IGSF9: variants seen among roughly 807,000 people sequenced by gnomAD.
The protein encoded by IGSF9 is immunoglobulin superfamily member 9.
A neutral mutation model predicts 121.7 loss-of-function variants in IGSF9; 87 were observed. The observed-to-expected ratio is 0.71, with a 90% CI of 0.60 to 0.85. The LOEUF (loss-of-function observed/expected upper bound fraction) is 0.85. Among genes scored for constraint, IGSF9 ranks in the 40% least tolerant of loss-of-function variants. The pLI, the probability that IGSF9 is intolerant of heterozygous loss-of-function variation, is 0.00. For synonymous variants in IGSF9, 640 were observed against 648.4 expected, an observed-to-expected ratio of 0.99 and a Z score of 0.20; for missense variants, 1,462 against 1,565.3, an observed-to-expected ratio of 0.93 and a Z score of 1.11.
chr1:159,943,265 C>T, intron 2 of IGSF9, 114 bp from the exon 3 acceptor site: 1 of 1,303,702 alleles, frequency 7.7e-7, no homozygotes, highest in East Asian at 2.6e-5. Flanking sequence ...GGAGAAACCC[C>T]CAGTTCAGCT....
At chr1:159,944,661 G>A (rs1210085552) in intron 1 of IGSF9, among the ~76,000 whole-genome samples, 2 of 152,154 alleles carry the variant, frequency 1.3e-5, no homozygotes, top group Non-Finnish European at 2.9e-5. Flanking sequence ...AGATCCTAGG[G>A]CAGTCTCAGA....
At position 159,932,439 on chromosome 1, in the gene IGSF9, A is replaced by ACC; in HGVS notation, c.1245+72_1245+73insGG. The ACC allele has an allele frequency of 5.0e-6, 6 of 1,201,056 alleles. No individual in the cohort carries two copies. The highest frequency in any genetic ancestry group is 7.0e-6 in the Non-Finnish European group (6 of 859,952). The allele number at this position is 1,201,056 out of a possible 1,614,324, so 74.4% of individuals were successfully genotyped here. ...GTGTCTGCCCCACCCCACCCCCATC[A>ACC]GCCTGGCCTTAGCACCATCTCCAGC... On this transcript the variant is annotated intron_variant, in intron 10 of 20. Coordinates refer to ENST00000368094, the MANE Select transcript of IGSF9 (RefSeq NM_001135050.2). This position sits in a 1 kb window ranked among gnomAD's most constrained non-coding sequence, Gnocchi z 4.1.
At chr1:159,942,871 A>C in intron 3 of IGSF9, 92 bp downstream of exon 3, 2 of 1,029,134 alleles carry the variant, frequency 1.9e-6, no homozygotes, top group South Asian at 2.8e-5. Context: ...CAGAGCAGGG[A>C]CAAAGCCGTT....
At position 159,930,394 on chromosome 1, in the gene IGSF9, A is replaced by G; in HGVS notation, c.1859T>C (p.Ile620Thr). The change falls in exon 15 of 21, where the codon ATA (isoleucine) becomes ACA (threonine). Residue 620 changes from isoleucine to threonine, a missense_variant. Coordinates refer to ENST00000368094, the MANE Select transcript of IGSF9 (RefSeq NM_001135050.2). ...CCGCGGAGGGGACAGGGGAGGCGGTATCTCTGTTGGGGGAAGCCCGGGTGC... is the reference window on the plus strand; with the variant it reads ...CCGCGGAGGGGACAGGGGAGGCGGTGTCTCTGTTGGGGGAAGCCCGGGTGC... ...PAAPGLPPTE[I>T]PPPLSPPRGL... 6.4e-7 allele frequency: 1 copy of G among 1,570,622 alleles called. No individual in the cohort carries two copies.
chr1:159,938,559 G>C (rs558665863), intron 3 of IGSF9, among the ~76,000 whole-genome samples: 4 of 152,284 alleles, frequency 2.6e-5, no homozygotes, highest in African/African-American at 9.6e-5. Context: ...GGCTCAGACC[G>C]AGGGTGCCTA....
In IGSF9 at chr1:159,930,345, G is replaced by C; in HGVS notation, c.1908C>G (p.Pro636=). 1 of 1,608,376 alleles carries C rather than the reference G, an allele frequency of 6.2e-7. No homozygotes were observed. The part of the protein sequence containing the change: ...PPRGLVAVRT[P]RGVLLHWDPP... ...GATCCCAATGCAGGAGTACCCCCCG[G>C]GGTGTCCTCACTGCCACCAGACCCC... Residue 636 remains proline, a synonymous_variant, in exon 15 of 21, where the codon CCC becomes CCG. Coordinates refer to ENST00000368094, the MANE Select transcript of IGSF9 (RefSeq NM_001135050.2).
chr1:159,934,871 C>T (rs200851874), intron 6 of IGSF9, 49 bp from the exon 7 acceptor site: 17 of 1,609,394 alleles, frequency 1.1e-5, no homozygotes, highest in African/African-American at 1.3e-5. Flanking sequence ...ACAGTCTTCC[C>T]AGAACCCTGA....
chr1:159,927,391 G>A lies in IGSF9; in HGVS notation c.3494C>T (p.Ala1165Val), dbSNP rs369321557. 3.1e-6 allele frequency: 5 copies of A among 1,613,660 alleles called. No homozygotes were observed. In the South Asian group the frequency reaches 5.5e-5, roughly 18 times the overall value. ...GGGGTGGGGGACTGGCTGTCGATAG[G>A]CTGGTAGCCGAGCCCTAGTAGCATC... is the stretch of plus-strand genomic sequence containing the variant. ...RRDATRARLP[A>V]YRQPVPHPEQ... Residue 1165 changes from alanine to valine, a missense_variant, in exon 21 of 21, where the codon GCC (alanine) becomes GTC (valine). Physicochemically the swap from Ala to Val is moderately conservative, Grantham distance 64 (BLOSUM62 0). Coordinates refer to ENST00000368094, the MANE Select transcript of IGSF9 (RefSeq NM_001135050.2).
In IGSF9 at chr1:159,928,356, C is replaced by G. The variant is rs1431943700; in HGVS notation, c.3032G>C (p.Gly1011Ala). 1.9e-6 allele frequency: 3 copies of G among 1,609,356 alleles called. No individual in the cohort carries two copies. The highest frequency in any genetic ancestry group is 1.7e-4 in the Middle Eastern group (1 of 6,030). ...GCCTCGAGGGGCAGCAGGGAGAAGGCCTGGCAGCAGCCGCTCCCTCAGTGT... is the reference window on the plus strand; with the variant it reads ...GCCTCGAGGGGCAGCAGGGAGAAGGGCTGGCAGCAGCCGCTCCCTCAGTGT... Reference protein sequence around the residue: ...DWTLRERLLPGLLPAAPRGSL... With the variant: ...DWTLRERLLPALLPAAPRGSL... The change falls in exon 19 of 21, where the codon GGC (glycine) becomes GCC (alanine). Residue 1011 changes from glycine to alanine, a missense_variant. Around this residue, in one of 3 missense-constraint regions of IGSF9, gnomAD observed 808 missense variants for 815.2 expected, o/e 0.99. Coordinates refer to ENST00000368094, the MANE Select transcript of IGSF9 (RefSeq NM_001135050.2).
chr1:159,945,066 T>G (rs1391110305), intron 1 of IGSF9, among the ~76,000 whole-genome samples: 1 of 151,498 alleles, frequency 6.6e-6, no homozygotes, highest in Non-Finnish European at 1.5e-5. Flanking sequence ...CACCACTCCC[T>G]CGTCCTCCCA....
In IGSF9 at chr1:159,929,016, G is replaced by A; in HGVS notation, c.2372C>T (p.Ser791Phe). ...FSPTGKSAAP[S>F]ALGSGSPDSV... The stretch of plus-strand genomic sequence containing the variant: ...GTCAGGACTGCCTGAGCCCAGAGCA[G>A]AGCTGGGGAAGGACAGGAGATCAGG... Residue 791 changes from serine to phenylalanine, a missense_variant and splice_region_variant, in exon 19 of 21, where the codon TCT becomes TTT. Ser to Phe is a radical substitution (Grantham distance 155). Around this residue, in one of 3 missense-constraint regions of IGSF9, gnomAD observed 808 missense variants for 815.2 expected, o/e 0.99. Coordinates refer to ENST00000368094, the MANE Select transcript of IGSF9 (RefSeq NM_001135050.2). The A allele has an allele frequency of 6.6e-7, 1 of 1,516,826 alleles. No individual in the cohort carries two copies. Among genetic ancestry groups the A allele is most frequent in the South Asian group, 1.3e-5 (1 of 74,220 alleles). The allele number at this position is 1,516,826 out of a possible 1,614,324, so 94.0% of individuals were successfully genotyped here.
At position 159,930,316 on chromosome 1, in the gene IGSF9, G is replaced by A. The variant is rs774470333; in HGVS notation, c.1937C>T (p.Pro646Leu). The A allele has an allele frequency of 1.2e-5, 19 of 1,613,506 alleles. No individual in the cohort carries two copies. The highest frequency in any genetic ancestry group is 1.5e-5 in the Non-Finnish European group (18 of 1,179,690). ...ATCCAGTCTCTTAGGGACCAGCTCT[G>A]GGGGATCCCAATGCAGGAGTACCCC... ...PRGVLLHWDP[P>L]ELVPKRLDGY... Residue 646 changes from proline to leucine, a missense_variant, in exon 15 of 21, where the codon CCA becomes CTA. Pro to Leu is a moderately conservative substitution (Grantham distance 98, BLOSUM62 -3). Around this residue, in one of 3 missense-constraint regions of IGSF9, gnomAD observed 808 missense variants for 815.2 expected, o/e 0.99. Coordinates refer to ENST00000368094, the MANE Select transcript of IGSF9 (RefSeq NM_001135050.2).
Position 159,930,808 on chromosome 1 carries a change from GC to G in IGSF9, c.1696del (p.Ala566LeufsTer5). 6.2e-7 allele frequency: 1 copy of G among 1,613,888 alleles called. No individual in the cohort carries two copies. Among genetic ancestry groups the G allele is most frequent in the Non-Finnish European group, 8.5e-7 (1 of 1,179,858 alleles). On this transcript the variant is annotated frameshift_variant, in exon 14 of 21. Transcript: ENST00000368094. LOFTEE classifies it high-confidence loss of function. ...CAGCCCTGGCACTAGGAGGTGAGCA[GC>G]CCCCACAGGCACTGCCAAGGACACC... ...DWVSLAVPVG[A>X]AHLLVPGLQP... is the part of the protein sequence containing the mutation.
At chr1:159,943,854 G>A (rs925554713) in intron 1 of IGSF9, among the ~76,000 whole-genome samples, 2 of 152,150 alleles carry the variant, frequency 1.3e-5, no homozygotes, top group African/African-American at 4.8e-5. Context: ...TGAGGAAATG[G>A]GGGAGGCTGG....
intron 4 of IGSF9, 53 bp downstream of exon 4, chr1:159,937,633 C>T: frequency 6.3e-7 from 1 of 1,582,362 alleles, no homozygotes; most frequent in South Asian, 1.1e-5. Context: ...AGCCAGAGAT[C>T]CCCATCCTCC....
intron 3 of IGSF9, among the ~76,000 whole-genome samples, chr1:159,942,007 A>G (rs1281486004): frequency 6.6e-6 from 1 of 152,260 alleles, no homozygotes; most frequent in Non-Finnish European, 1.5e-5. Flanking sequence ...GGTTTCCCTC[A>G]GGATTCAAAC....
At position 159,932,493 on chromosome 1, in the gene IGSF9, C is replaced by A. The variant is rs779306034; in HGVS notation, c.1245+19G>T. ...CTGACCCACTGTCACCACAGGCCCC[C>A]GCCCACCCCCGGCCTAACCTTGAGC... is the stretch of plus-strand genomic sequence containing the variant. On this transcript the variant is annotated intron_variant, in intron 10 of 20. Transcript: ENST00000368094. This position sits in a 1 kb window ranked among gnomAD's most constrained non-coding sequence, Gnocchi z 4.1. 3.7e-6 allele frequency: 6 copies of A among 1,613,212 alleles called. No homozygotes were observed. The highest frequency in any genetic ancestry group is 5.1e-6 in the Non-Finnish European group (6 of 1,179,574).
intron 14 of IGSF9, 46 bp downstream of exon 14, chr1:159,930,646 C>T: frequency 6.2e-7 from 1 of 1,610,540 alleles, no homozygotes; most frequent in East Asian, 2.2e-5. Flanking sequence ...CCCAGCAGCC[C>T]TTCCCCATCC....
chr1:159,929,672 C>A lies in IGSF9; in HGVS notation c.2292G>T (p.Arg764Ser), dbSNP rs185161099. 5.4e-3 allele frequency: 8,566 copies of A among 1,595,454 alleles called. 32 individuals are homozygous for A. The highest frequency in any genetic ancestry group is 9.3e-3 in the Middle Eastern group (56 of 6,036). Residue 764 changes from arginine (R) to serine (S), a missense_variant, in exon 17 of 21, where the codon AGG becomes AGT. By Grantham distance (110) the Arg-to-Ser change is moderately radical. This residue lies in a region of IGSF9 where 808 missense variants were observed against 815.2 expected (regional missense o/e 0.99). Coordinates refer to ENST00000368094, the MANE Select transcript of IGSF9 (RefSeq NM_001135050.2). Reference protein sequence around the residue: ...ILAGCLLNRRRAARRRRKRLR... With the variant: ...ILAGCLLNRRSAARRRRKRLR... ...GGCGCTTGCGGCGGCGGCGGGCAGC[C>A]CTGCGCCGGTTCAGGAGGCAGCCGG...
Sources: allele counts gnomAD v4.1 joint callset (sites outside exome capture counted in the v4.1 genomes callset), GRCh38; gene constraint gnomAD v4.1.1; regional missense constraint gnomAD v4.1.1; non-coding constraint Gnocchi (gnomAD v3.1); transcripts MANE v1.5; gene names NCBI Gene and HGNC (gene_info 2026-07-23, HGNC 2026-07-21).